The following HPN variants were observed in gnomAD, a reference collection of about 807,000 sequenced individuals.
HPN encodes hepsin, also known as serine protease hepsin.
Under a neutral mutation model 55.9 loss-of-function variants are expected in HPN, and 13 were observed. The observed-to-expected ratio is 0.23, with a 90% CI of 0.15 to 0.37. The LOEUF is 0.37. Ranked by LOEUF, HPN falls within the 10% of genes least tolerant of loss-of-function variation. The probability of loss-of-function intolerance (pLI) is 1.00; values close to 1 mark genes in which losing one functional copy is unlikely to be tolerated. For missense variants in HPN, 451 were observed against 575.8 expected, an observed-to-expected ratio of 0.78 and a Z score of 2.22; for synonymous variants, 225 against 240.3, an observed-to-expected ratio of 0.94 and a Z score of 0.59.
chr19:35,049,677 A>G (rs904497836), intron 4 of HPN, among the ~76,000 whole-genome samples, 161 bp downstream of exon 4: 22 of 152,210 alleles, frequency 1.4e-4, no homozygotes, highest in African/African-American at 4.1e-4. Context: ...ACCAGGCACT[A>G]TTCTAAGCAC....
At chr19:35,053,686 A>C (rs2064426953) in intron 4 of HPN, among the ~76,000 whole-genome samples, 1 of 152,242 alleles carries the variant, frequency 6.6e-6, no homozygotes, top group Non-Finnish European at 1.5e-5. Flanking sequence ...CAGAGGTTGC[A>C]GTGAGCTGAG....
intron 9 of HPN, among the ~76,000 whole-genome samples, chr19:35,062,238 G>A (rs1414464632): frequency 6.6e-6 from 1 of 152,180 alleles, no homozygotes; most frequent in East Asian, 1.9e-4. Context: ...ACTGGTGAAG[G>A]ACACAAGGTT....
intron 9 of HPN, among the ~76,000 whole-genome samples, chr19:35,063,115 A>C (rs55737731): frequency 0.083 from 12,574 of 152,306 alleles, 577 homozygotes; most frequent in African/African-American, 0.12. Flanking sequence ...CTTAGTTCTC[A>C]CAGCAACCCC....
intron 9 of HPN, among the ~76,000 whole-genome samples, chr19:35,064,858 G>A (rs772376734): frequency 1.3e-5 from 2 of 151,932 alleles, no homozygotes; most frequent in Admixed American, 6.6e-5. Flanking sequence ...GTCTTGCTCT[G>A]TCGCCCAGGC....
intron 2 of HPN, among the ~76,000 whole-genome samples, chr19:35,047,990 A>C (rs1303958526): frequency 7.4e-6 from 1 of 135,178 alleles, no homozygotes; most frequent in East Asian, 2.1e-4. Context: ...ACCCTGTCTC[A>C]AAAAAAAAAA....
intron 4 of HPN, among the ~76,000 whole-genome samples, chr19:35,056,308 C>T (rs1252385044): frequency 2.6e-5 from 4 of 152,172 alleles, no homozygotes; most frequent in Non-Finnish European, 5.9e-5. Flanking sequence ...TTGTCCCTTT[C>T]TTGATTTGTC....
chr19:35,046,034 A>C (rs2151753660), intron 2 of HPN, among the ~76,000 whole-genome samples: 1 of 152,272 alleles, frequency 6.6e-6, no homozygotes, highest in African/African-American at 2.4e-5. Context: ...CTGAAAACAA[A>C]GCAAGCAAGA....
Position 35,066,561 on chromosome 19 carries a change from T to G in HPN, c.*274T>G, listed in dbSNP as rs2064612107. ...CGGGATGCTCTTTAAATAATAAAGATGGTTTTGATTAATGTGGCCTCCGAG... is the reference window on the plus strand; with the variant it reads ...CGGGATGCTCTTTAAATAATAAAGAGGGTTTTGATTAATGTGGCCTCCGAG... On this transcript the variant is annotated 3_prime_UTR_variant, in exon 13 of 13. Coordinates refer to ENST00000672452, the MANE Select transcript of HPN (RefSeq NM_001384133.1). 2 of 507,308 alleles carry G rather than the reference T, an allele frequency of 3.9e-6. No individual in the cohort carries two copies. The highest frequency in any genetic ancestry group is 6.3e-5 in the East Asian group (2 of 31,638). The allele number at this position is 507,308 out of a possible 1,614,324, so 31.4% of individuals were successfully genotyped here. A position where few individuals can be genotyped will look rare whatever the true frequency, so the allele number is the denominator to read the frequency against.
At chr19:35,050,667 G>C in intron 4 of HPN, 1 of 466,698 alleles carries the variant, frequency 2.1e-6, no homozygotes, top group Non-Finnish European at 3.5e-6. Context: ...AAAAGGGGAA[G>C]TTGGGTGGTG....
chr19:35,055,111 A>T (rs748928147), intron 4 of HPN, among the ~76,000 whole-genome samples: 1 of 152,182 alleles, frequency 6.6e-6, no homozygotes, highest in East Asian at 1.9e-4. Flanking sequence ...GGAGTTTGAG[A>T]TCAGCCTGGA....
chr19:35,053,938 T>C (rs1395633662), intron 4 of HPN, among the ~76,000 whole-genome samples: 2 of 152,168 alleles, frequency 1.3e-5, no homozygotes, highest in Non-Finnish European at 2.9e-5. Context: ...CAGGTGGCTT[T>C]TCAGTGCCAG....
chr19:35,060,746 G>A lies in HPN; in HGVS notation c.740G>A (p.Arg247Gln). 6.2e-7 allele frequency: 1 copy of A among 1,613,868 alleles called. No individual in the cohort carries two copies. Among genetic ancestry groups the A allele is most frequent in the South Asian group, 1.1e-5 (1 of 91,022 alleles). Residue 247 changes from arginine (R) to glutamine (Q), a missense_variant, in exon 9 of 13, where the codon CGG (arginine) becomes CAG (glutamine). Physicochemically the swap from Arg to Gln is conservative, Grantham distance 43. Coordinates refer to ENST00000672452, the MANE Select transcript of HPN (RefSeq NM_001384133.1). ...TACCACGGGGGCTATCTTCCCTTTC[G>A]GGACCCCAACAGCGAGGAGAACAGC... Reference protein sequence around the residue: ...VVYHGGYLPFRDPNSEENSND... With the variant: ...VVYHGGYLPFQDPNSEENSND...
In HPN at chr19:35,059,727, C is replaced by A. The variant is rs776646450; in HGVS notation, c.215C>A (p.Thr72Lys). ...ATGGTCTTTGACAAGACGGAAGGGA[C>A]GTGGCGGCTGCTGTGCTCCTCGCGC... The part of the protein sequence containing the change: ...RLMVFDKTEG[T>K]WRLLCSSRSN... Residue 72 changes from threonine to lysine, a missense_variant, in exon 5 of 13, where the codon ACG (threonine) becomes AAG (lysine). Thr to Lys is a moderately conservative substitution (Grantham distance 78, BLOSUM62 -1). Coordinates refer to ENST00000672452, the MANE Select transcript of HPN (RefSeq NM_001384133.1). The A allele has an allele frequency of 6.3e-7, 1 of 1,598,032 alleles. No individual in the cohort carries two copies. The highest frequency in any genetic ancestry group is 1.1e-5 in the South Asian group (1 of 88,400).
At chr19:35,044,151 G>A (rs2064319471) in intron 2 of HPN, among the ~76,000 whole-genome samples, 1 of 152,258 alleles carries the variant, frequency 6.6e-6, no homozygotes, top group Admixed American at 6.5e-5. Context: ...TAAGGATGCT[G>A]TGCAGGACTG....
rs1270679577 is a variant in HPN at position 35,042,436 on chromosome 19, C to G, written c.-54-17C>G. ...TGGGCTCCCCCAGGCCCTGCCTCCC[C>G]GTCCATCTCCTCACAGGTCCCACCC... On this transcript the variant is annotated splice_polypyrimidine_tract_variant and intron_variant, in intron 1 of 12. Coordinates refer to ENST00000672452, the MANE Select transcript of HPN (RefSeq NM_001384133.1). The G allele has an allele frequency of 1.5e-5, 23 of 1,557,308 alleles. No homozygotes were observed. Among genetic ancestry groups the G allele is most frequent in the Non-Finnish European group, 1.8e-5 (21 of 1,151,082 alleles).
Position 35,042,467 on chromosome 19 carries a change from C to A in HPN, c.-40C>A. 1 of 1,596,634 alleles carries A rather than the reference C, an allele frequency of 6.3e-7. No individual in the cohort carries two copies. The highest frequency in any genetic ancestry group is 2.3e-5 in the East Asian group (1 of 44,144). ...TCTCCTCACAGGTCCCACCCTGGCC[C>A]AGGAGGTCAGCCAGGGAATCATTAA... On this transcript the variant is annotated 5_prime_UTR_variant, in exon 2 of 13. Coordinates refer to ENST00000672452, the MANE Select transcript of HPN (RefSeq NM_001384133.1).
intron 4 of HPN, among the ~76,000 whole-genome samples, chr19:35,057,530 G>A (rs2064468137): frequency 6.6e-6 from 1 of 151,858 alleles, no homozygotes; most frequent in Non-Finnish European, 1.5e-5. Context: ...ACATAGAAGG[G>A]TAAGTTTAAG....
intron 4 of HPN, among the ~76,000 whole-genome samples, chr19:35,052,647 A>G (rs1387566916): frequency 1.3e-5 from 2 of 151,900 alleles, no homozygotes; most frequent in Non-Finnish European, 2.9e-5. Flanking sequence ...CTTGAGCAAG[A>G]TCTTCCTGGA....
chr19:35,053,760 T>C (rs1484981276), intron 4 of HPN, among the ~76,000 whole-genome samples: 1 of 151,518 alleles, frequency 6.6e-6, no homozygotes, highest in East Asian at 2.0e-4. Flanking sequence ...AAACTTAAAA[T>C]AGAATAAAAT....
Sources: allele counts gnomAD v4.1 joint callset (sites outside exome capture counted in the v4.1 genomes callset), GRCh38; gene constraint gnomAD v4.1.1; transcripts MANE v1.5; gene names NCBI Gene and HGNC (gene_info 2026-07-23, HGNC 2026-07-21).